Variants in WWP2 observed in about 807,000 individuals in gnomAD.
WWP2 encodes NEDD4-like E3 ubiquitin-protein ligase WWP2.
A neutral mutation model predicts 121.0 loss-of-function variants in WWP2; 57 were observed. The observed-to-expected ratio is 0.47, with a 90% CI of 0.38 to 0.59. WWP2 has a LOEUF of 0.59. WWP2 is among the 20% of genes least tolerant of loss of function. The probability of loss-of-function intolerance (pLI) is 0.00; values close to 1 mark genes in which losing one functional copy is unlikely to be tolerated. For synonymous variants in WWP2, 449 were observed against 441.3 expected, an observed-to-expected ratio of 1.02 and a Z score of -0.22; for missense variants, 962 against 1,158.9, an observed-to-expected ratio of 0.83 and a Z score of 2.47.
chr16:69,897,912 CAACAAAACAA>C (rs374067984), intron 8 of WWP2, among the ~76,000 whole-genome samples: 21 of 150,910 alleles, frequency 1.4e-4, no homozygotes, highest in Non-Finnish European at 2.4e-4. Flanking sequence ...CATCTCAAAA[CAACAAAACAA>C]AACAAAACAA....
At chr16:69,862,784 A>AGT (rs2057448898) in intron 6 of WWP2, among the ~76,000 whole-genome samples, 2 of 122,986 alleles carry the variant, frequency 1.6e-5, no homozygotes, top group Admixed American at 2.2e-4. Flanking sequence ...TAGTGGTGTG[A>AGT]GTGTGATCAC....
At chr16:69,893,752 C>G (rs1166407780) in intron 8 of WWP2, among the ~76,000 whole-genome samples, 1 of 152,106 alleles carries the variant, frequency 6.6e-6, no homozygotes. Context: ...CCATGTTGGC[C>G]AGGCTGTGCT....
chr16:69,846,444 G>A (rs546997999), intron 6 of WWP2, among the ~76,000 whole-genome samples: 1 of 152,340 alleles, frequency 6.6e-6, no homozygotes, highest in East Asian at 1.9e-4. Flanking sequence ...ATGGGGCTGG[G>A]TGTGGTGGCT....
intron 4 of WWP2, among the ~76,000 whole-genome samples, chr16:69,802,184 T>C (rs2056182580): frequency 6.6e-6 from 1 of 152,136 alleles, no homozygotes; most frequent in African/African-American, 2.4e-5. Flanking sequence ...CGCCTCGGCC[T>C]CCCAAAGTGC....
intron 1 of WWP2, among the ~76,000 whole-genome samples, chr16:69,785,640 T>C (rs937080709): frequency 6.6e-6 from 1 of 151,880 alleles, no homozygotes; most frequent in African/African-American, 2.4e-5. Flanking sequence ...TTTTTTTTTT[T>C]TTTCGAGACA....
intron 6 of WWP2, among the ~76,000 whole-genome samples, chr16:69,845,196 G>C (rs2057047728): frequency 1.3e-5 from 2 of 152,130 alleles, no homozygotes; most frequent in Non-Finnish European, 2.9e-5. Context: ...AATGAACTGA[G>C]ATGAGGCATG....
At chr16:69,850,558 T>C (rs1047236136) in intron 6 of WWP2, among the ~76,000 whole-genome samples, 3 of 152,056 alleles carry the variant, frequency 2.0e-5, no homozygotes, top group Non-Finnish European at 4.4e-5. Flanking sequence ...CTGGGAGATT[T>C]GGGGAAGACC....
chr16:69,862,542 T>C (rs111553293), intron 6 of WWP2, among the ~76,000 whole-genome samples: 20 of 151,828 alleles, frequency 1.3e-4, no homozygotes, highest in African/African-American at 4.3e-4. Context: ...TGAGCCACCA[T>C]GCCTGGCCAG....
chr16:69,916,899 C>G (rs771795335), intron 9 of WWP2, among the ~76,000 whole-genome samples: 3 of 152,128 alleles, frequency 2.0e-5, no homozygotes, highest in Non-Finnish European at 4.4e-5. Flanking sequence ...TGCAGTGGCT[C>G]ACGCCTGTAA....
chr16:69,819,510 C>T (rs915903594), intron 4 of WWP2, among the ~76,000 whole-genome samples: 1 of 152,166 alleles, frequency 6.6e-6, no homozygotes, highest in African/African-American at 2.4e-5. Flanking sequence ...TGAAACTGAC[C>T]CCTTCCAGTC....
chr16:69,781,170 G>A (rs546072963), intron 1 of WWP2, among the ~76,000 whole-genome samples: 29 of 152,020 alleles, frequency 1.9e-4, no homozygotes, highest in African/African-American at 5.3e-4. Flanking sequence ...CTGTCTGCAC[G>A]TTCAAGGGAT....
intron 4 of WWP2, among the ~76,000 whole-genome samples, chr16:69,808,259 T>A (rs766717512): frequency 8.5e-5 from 13 of 152,216 alleles, no homozygotes; most frequent in Non-Finnish European, 1.5e-4. Flanking sequence ...TTTTTTTGCA[T>A]GTGTCAATAG....
intron 1 of WWP2, among the ~76,000 whole-genome samples, chr16:69,763,525 T>A (rs1223942064): frequency 6.6e-6 from 1 of 152,238 alleles, no homozygotes; most frequent in Non-Finnish European, 1.5e-5. Flanking sequence ...AAAAGTACTT[T>A]CCTAATGTAT....
chr16:69,820,367 G>T (rs2056570630), intron 4 of WWP2, among the ~76,000 whole-genome samples: 1 of 152,130 alleles, frequency 6.6e-6, no homozygotes, highest in Non-Finnish European at 1.5e-5. Flanking sequence ...TCCGCCTCCT[G>T]AGTAGCTGGG....
intron 1 of WWP2, among the ~76,000 whole-genome samples, chr16:69,784,325 C>G (rs2055736097): frequency 6.6e-6 from 1 of 152,134 alleles, no homozygotes; most frequent in South Asian, 2.1e-4. Flanking sequence ...GTCTCGAACT[C>G]CTGACCTCAG....
chr16:69,871,701 C>A (rs1404753614), intron 6 of WWP2, 103 bp from the exon 7 acceptor site: 1 of 1,523,222 alleles, frequency 6.6e-7, no homozygotes, highest in African/African-American at 1.4e-5. Flanking sequence ...GGTCTTGTTT[C>A]CAATAAATGG....
intron 10 of WWP2, among the ~76,000 whole-genome samples, chr16:69,919,150 A>G (rs140306376): frequency 6.6e-5 from 10 of 150,840 alleles, no homozygotes; most frequent in Non-Finnish European, 1.5e-4. Context: ...GACCACATTT[A>G]AATTTTCTTT....
intron 4 of WWP2, among the ~76,000 whole-genome samples, chr16:69,837,771 G>A (rs1167301792): frequency 1.3e-5 from 2 of 152,174 alleles, no homozygotes; most frequent in Non-Finnish European, 2.9e-5. Context: ...GTGTGTCCTG[G>A]AGCCAGAAGG....
Position 69,799,017 on chromosome 16 carries a change from G to T in WWP2, c.219-157G>T, listed in dbSNP as rs2056107609. On this transcript the variant is annotated intron_variant, in intron 3 of 23. Coordinates refer to ENST00000359154, the MANE Select transcript of WWP2 (RefSeq NM_001270454.2). This position sits in a 1 kb window ranked among gnomAD's most constrained non-coding sequence, Gnocchi z 4.5. ...TAGAGCGTTCATTATTATCTAGAGG[G>T]TTACAGGGTCAGCTTTGAGAGGGGA... 2 of 1,351,188 alleles carry T rather than the reference G, an allele frequency of 1.5e-6. No homozygotes were observed. The highest frequency in any genetic ancestry group is 1.5e-5 in the African/African-American group (1 of 68,162). The allele number at this position is 1,351,188 out of a possible 1,614,324, so 83.7% of individuals were successfully genotyped here. A position where few individuals can be genotyped will look rare whatever the true frequency, so the allele number is the denominator to read the frequency against.
Sources: gnomAD v4.1 joint callset for allele counts (sites outside exome capture counted in the v4.1 genomes callset) on GRCh38, gnomAD v4.1.1 for gene constraint, Gnocchi (gnomAD v3.1) non-coding constraint, MANE v1.5 for transcripts, NCBI Gene and HGNC (gene_info 2026-07-23, HGNC 2026-07-21) for gene names.